Variants in SUSD5 observed in about 807,000 individuals in gnomAD.
The protein encoded by SUSD5 is sushi domain-containing protein 5.
Under a neutral mutation model 29.5 loss-of-function variants are expected in SUSD5, and 33 were observed. That is an observed-to-expected ratio of 1.12 (90% CI 0.85 to 1.49). The LOEUF (loss-of-function observed/expected upper bound fraction) is 1.49. Among genes scored for constraint, SUSD5 ranks in the 40% most tolerant of loss-of-function variants. SUSD5 has a pLI of 0.00. For synonymous variants in SUSD5, 308 were observed against 325.3 expected (o/e 0.95, Z 0.57); for missense variants, 776 against 800.6 (o/e 0.97, Z 0.37).
At chr3:33,185,908 A>T (rs2031767277) in intron 3 of SUSD5, among the ~76,000 whole-genome samples, 1 of 152,132 alleles carries the variant, frequency 6.6e-6, no homozygotes, top group African/African-American at 2.4e-5. Context: ...TTTAGGATAG[A>T]CCTCTAGAAG....
rs1419689937 is a variant in SUSD5, at chr3:33,204,543, G to T, written c.409+3265C>A. ...TCACCATGTTAGCCAGGATGGTCTC[G>T]ATCTCCTGACCTCGTGATACACCCA... On this transcript the variant is annotated intron_variant, in intron 3 of 4. Transcript: ENST00000309558. The surrounding 1 kb of genome is among the most constrained non-coding windows in gnomAD (Gnocchi z 4.5). Among the ~76,000 whole-genome samples the T allele has an allele frequency of 1.3e-5, 2 of 151,908 alleles. No homozygotes were observed. Among genetic ancestry groups the T allele is most frequent in the Non-Finnish European group, 2.9e-5 (2 of 67,982 alleles).
At chr3:33,177,305 T>A (rs887772094) in intron 3 of SUSD5, among the ~76,000 whole-genome samples, 14 of 152,178 alleles carry the variant, frequency 9.2e-5, no homozygotes, top group Admixed American at 2.0e-4. Context: ...AATCTATAGA[T>A]CAAGTTGGGA....
intron 4 of SUSD5, among the ~76,000 whole-genome samples, chr3:33,155,945 A>C (rs2031040813): frequency 6.6e-6 from 1 of 152,076 alleles, no homozygotes; most frequent in Non-Finnish European, 1.5e-5. Context: ...CGATTTCTTC[A>C]CCTGTGTCAA....
At chr3:33,215,080 C>A (rs887844858) in intron 1 of SUSD5, among the ~76,000 whole-genome samples, 2 of 151,246 alleles carry the variant, frequency 1.3e-5, no homozygotes, top group African/African-American at 4.9e-5. Flanking sequence ...GCTTTGGAAC[C>A]AAAAGTTATA....
intron 3 of SUSD5, among the ~76,000 whole-genome samples, chr3:33,190,020 T>C (rs763546308): frequency 2.6e-5 from 4 of 152,216 alleles, no homozygotes; most frequent in Non-Finnish European, 5.9e-5. Flanking sequence ...CAGCATTTAC[T>C]GGATTGGAAT....
intron 2 of SUSD5, among the ~76,000 whole-genome samples, chr3:33,212,489 A>G (rs2032340280): frequency 6.6e-6 from 1 of 152,262 alleles, no homozygotes; most frequent in African/African-American, 2.4e-5. Context: ...CAGGCACTCA[A>G]ATAGCCACAG....
intron 3 of SUSD5, among the ~76,000 whole-genome samples, chr3:33,200,596 G>A (rs1202157737): frequency 6.6e-6 from 1 of 152,072 alleles, no homozygotes; most frequent in East Asian, 1.9e-4. Flanking sequence ...GCCACGAATG[G>A]ACCATCGAGG....
intron 3 of SUSD5, among the ~76,000 whole-genome samples, chr3:33,175,632 T>G (rs951452424): frequency 3.3e-5 from 5 of 152,100 alleles, no homozygotes; most frequent in Admixed American, 6.6e-5. Context: ...TATTTCTTTT[T>G]TTTACATAAA....
chr3:33,206,269 G>A (rs1337428380), intron 3 of SUSD5, among the ~76,000 whole-genome samples: 2 of 152,012 alleles, frequency 1.3e-5, no homozygotes, highest in Non-Finnish European at 2.9e-5. Context: ...AGCTACTCAG[G>A]AGGCTGAGGC....
At chr3:33,209,522 C>A (rs1216908985) in intron 2 of SUSD5, among the ~76,000 whole-genome samples, 1 of 151,960 alleles carries the variant, frequency 6.6e-6, no homozygotes, top group Non-Finnish European at 1.5e-5. Flanking sequence ...CTAATCCTCT[C>A]TTTGGCTCTT....
intron 2 of SUSD5, 90 bp downstream of exon 2, chr3:33,213,838 T>C (rs1575547177): frequency 5.8e-6 from 8 of 1,374,582 alleles, no homozygotes; most frequent in Non-Finnish European, 7.9e-6. Flanking sequence ...TCTGCCTGTA[T>C]GGTACCTCAA....
intron 3 of SUSD5, among the ~76,000 whole-genome samples, chr3:33,178,718 G>A (rs986373322): frequency 4.6e-5 from 7 of 152,200 alleles, no homozygotes; most frequent in East Asian, 1.9e-4. Flanking sequence ...GATTACAGGC[G>A]TGAGCCACCG....
rs1019536225 is a variant in SUSD5 at position 33,210,957 on chromosome 3, T to C, written c.290+2971A>G. 8.5e-5 allele frequency among the ~76,000 whole-genome samples: 13 copies of C among 152,328 alleles called. No individual in the cohort carries two copies. In the South Asian group the frequency reaches 2.7e-3, roughly 32 times the overall value. On this transcript the variant is annotated intron_variant, in intron 2 of 4. Coordinates refer to ENST00000309558, the MANE Select transcript of SUSD5 (RefSeq NM_015551.2). ...GGTGCCATCTTGGCTCACTGCAACCTCTGTCTCCCTGGTTCAAGCGATTCT... is the reference window on the plus strand; with the variant it reads ...GGTGCCATCTTGGCTCACTGCAACCCCTGTCTCCCTGGTTCAAGCGATTCT...
At chr3:33,168,313 A>G (rs1385397170) in intron 4 of SUSD5, among the ~76,000 whole-genome samples, 1 of 152,248 alleles carries the variant, frequency 6.6e-6, no homozygotes, top group Non-Finnish European at 1.5e-5. Context: ...CAACCAGACA[A>G]GCCAGAAATA....
intron 4 of SUSD5, among the ~76,000 whole-genome samples, chr3:33,156,837 A>G (rs549799736): frequency 6.6e-6 from 1 of 152,350 alleles, no homozygotes; most frequent in East Asian, 1.9e-4. Context: ...AAAGTTAACA[A>G]TCTTTTCTGA....
At position 33,198,444 on chromosome 3, in the gene SUSD5, T is replaced by C. The variant is rs2032038445; in HGVS notation, c.409+9364A>G. ...GGTTTAGCTCTGATTCACTTTCTTG[T>C]CATAAACATGGGGCCTGGTGGACTT... is the stretch of plus-strand genomic sequence containing the variant. On this transcript the variant is annotated intron_variant, in intron 3 of 4. Coordinates refer to ENST00000309558, the MANE Select transcript of SUSD5 (RefSeq NM_015551.2). Among the ~76,000 whole-genome samples the C allele has an allele frequency of 5.9e-5, 9 of 152,336 alleles. No homozygotes were observed. In the South Asian group the frequency reaches 1.9e-3, roughly 32 times the overall value.
At position 33,214,012 on chromosome 3, in the gene SUSD5, G is replaced by C. The variant is rs1301516009; in HGVS notation, c.206C>G (p.Ala69Gly). The change falls in exon 2 of 5, where the codon GCA becomes GGA. Residue 69 changes from alanine (A) to glycine (G), a missense_variant. Transcript: ENST00000309558. Reference protein sequence around the residue: ...LSCKSRGAHLASADELRRVVQ... With the variant: ...LSCKSRGAHLGSADELRRVVQ... ...CACTCTCCGCAGCTCGTCTGCAGAT[G>C]CCAGGTGAGCGCCCCTGCTCTTGCA... The C allele has an allele frequency of 6.2e-7, 1 of 1,613,718 alleles. No homozygotes were observed. Among genetic ancestry groups the C allele is most frequent in the Admixed American group, 1.7e-5 (1 of 59,960 alleles).
At chr3:33,172,367 T>C (rs2031445248) in intron 4 of SUSD5, among the ~76,000 whole-genome samples, 1 of 152,176 alleles carries the variant, frequency 6.6e-6, no homozygotes, top group African/African-American at 2.4e-5. Flanking sequence ...AACATAAAGA[T>C]CATTTTGGAC....
chr3:33,205,709 T>C (rs2032205530), intron 3 of SUSD5, among the ~76,000 whole-genome samples: 3 of 152,230 alleles, frequency 2.0e-5, no homozygotes, highest in African/African-American at 7.2e-5. Context: ...GAGAAACACA[T>C]GGCTCAGTTG....
Sources: gnomAD v4.1 joint callset for allele counts (sites outside exome capture counted in the v4.1 genomes callset) on GRCh38, gnomAD v4.1.1 for gene constraint, Gnocchi (gnomAD v3.1) non-coding constraint, MANE v1.5 for transcripts, NCBI Gene and HGNC (gene_info 2026-07-23, HGNC 2026-07-21) for gene names.